Variants in ZDHHC14 observed in about 807,000 individuals in gnomAD.
ZDHHC14 encodes zDHHC palmitoyltransferase 14.
ZDHHC14 carries 16 observed loss-of-function variants against 47.7 expected under a neutral mutation model. That is an observed-to-expected ratio of 0.34 (90% CI 0.23 to 0.51). ZDHHC14 has a LOEUF of 0.51. ZDHHC14 is among the 20% of genes least tolerant of loss of function. The probability of loss-of-function intolerance (pLI) is 0.97; values close to 1 mark genes in which losing one functional copy is unlikely to be tolerated. For missense variants in ZDHHC14, 515 were observed against 662.5 expected, an observed-to-expected ratio of 0.78 and a Z score of 2.44; for synonymous variants, 293 against 278.9, an observed-to-expected ratio of 1.05 and a Z score of -0.50.
chr6:157,447,517 G>A (rs2114798997), intron 1 of ZDHHC14, among the ~76,000 whole-genome samples: 1 of 152,346 alleles, frequency 6.6e-6, no homozygotes, highest in Middle Eastern at 3.4e-3. Context: ...TATGGAAGGA[G>A]GATGGGGCGA....
At chr6:157,455,577 G>A (rs1181924233) in intron 1 of ZDHHC14, among the ~76,000 whole-genome samples, 1 of 152,188 alleles carries the variant, frequency 6.6e-6, no homozygotes, top group African/African-American at 2.4e-5. Flanking sequence ...CGTTTGTGTT[G>A]TTTTCTAGAT....
At chr6:157,477,462 G>T (rs1438678271) in intron 1 of ZDHHC14, among the ~76,000 whole-genome samples, 1 of 152,100 alleles carries the variant, frequency 6.6e-6, no homozygotes, top group Non-Finnish European at 1.5e-5. Context: ...TAACCCTCAA[G>T]ATTTCACCAA....
intron 1 of ZDHHC14, among the ~76,000 whole-genome samples, chr6:157,536,231 A>C (rs191882697): frequency 6.6e-6 from 1 of 152,348 alleles, no homozygotes; most frequent in African/African-American, 2.4e-5. Context: ...CTTCCTGTGT[A>C]ATAATAAATG....
chr6:157,478,437 A>C (rs1779542052), intron 1 of ZDHHC14, among the ~76,000 whole-genome samples: 1 of 152,166 alleles, frequency 6.6e-6, no homozygotes, highest in Non-Finnish European at 1.5e-5. Flanking sequence ...TAATTTTATA[A>C]TTTATTTTTT....
At chr6:157,519,165 G>C (rs1780819951) in intron 1 of ZDHHC14, among the ~76,000 whole-genome samples, 1 of 152,196 alleles carries the variant, frequency 6.6e-6, no homozygotes, top group Admixed American at 6.5e-5. Flanking sequence ...GAATCCAACT[G>C]CAAAGCAGCA....
rs376215641 is a variant in ZDHHC14 at position 157,463,054 on chromosome 6, C to T, written c.246-79531C>T. Among the ~76,000 whole-genome samples the T allele has an allele frequency of 1.3e-5, 2 of 152,152 alleles. No homozygotes were observed. The highest frequency in any genetic ancestry group is 2.1e-4 in the South Asian group (1 of 4,826). On this transcript the variant is annotated intron_variant, in intron 1 of 8. Transcript: ENST00000359775. This position sits in a 1 kb window ranked among gnomAD's most constrained non-coding sequence, Gnocchi z 4.4. The stretch of plus-strand genomic sequence containing the variant: ...CTCTTTTCCAGAAAGATTCTTATGT[C>T]GGCTGAGTTCAAGTAGGTAGGTGCA...
At chr6:157,430,177 G>T (rs760607320) in intron 1 of ZDHHC14, among the ~76,000 whole-genome samples, 4 of 151,978 alleles carry the variant, frequency 2.6e-5, no homozygotes, top group African/African-American at 4.8e-5. Context: ...TTAGCTGGGC[G>T]TGGTGGTGTG....
intron 3 of ZDHHC14, among the ~76,000 whole-genome samples, chr6:157,621,737 G>A (rs557131979): frequency 2.6e-5 from 4 of 152,160 alleles, no homozygotes; most frequent in Non-Finnish European, 4.4e-5. Context: ...CATTTCGTTC[G>A]ATCTCCAGCA....
At chr6:157,494,212 A>G (rs2114731007) in intron 1 of ZDHHC14, among the ~76,000 whole-genome samples, 1 of 152,324 alleles carries the variant, frequency 6.6e-6, no homozygotes, top group East Asian at 1.9e-4. Context: ...CTGAGGCCAG[A>G]GCCCCTGGGA....
chr6:157,571,776 A>ATTTTTTTTTTTT (rs548623336), intron 2 of ZDHHC14, among the ~76,000 whole-genome samples: 7 of 122,516 alleles, frequency 5.7e-5, no homozygotes, highest in African/African-American at 6.3e-5. Context: ...AGGAATCTGT[A>ATTTTTTTTTTTT]TTTTTTTTTT....
intron 2 of ZDHHC14, among the ~76,000 whole-genome samples, chr6:157,588,336 A>G (rs4708862): frequency 0.67 from 102,274 of 151,752 alleles, 34,905 homozygotes; most frequent in African/African-American, 0.78. Context: ...GTGAATACCT[A>G]TAGTCCCAGC....
chr6:157,568,319 CTTAA>C (rs1782982065), intron 2 of ZDHHC14, among the ~76,000 whole-genome samples: 2 of 152,116 alleles, frequency 1.3e-5, no homozygotes, highest in African/African-American at 4.8e-5. Flanking sequence ...ATTAAAGGTA[CTTAA>C]TTAATTCTAC....
intron 1 of ZDHHC14, among the ~76,000 whole-genome samples, chr6:157,541,107 G>T (rs1002904566): frequency 6.6e-6 from 1 of 151,868 alleles, no homozygotes; most frequent in Admixed American, 6.6e-5. Flanking sequence ...GATCCCATTT[G>T]CTCTGTTTAG....
intron 2 of ZDHHC14, among the ~76,000 whole-genome samples, chr6:157,543,817 A>G (rs1781861907): frequency 6.6e-6 from 1 of 151,946 alleles, no homozygotes; most frequent in South Asian, 2.1e-4. Flanking sequence ...AAGGAGGGGG[A>G]GGGAGAAGCA....
chr6:157,524,747 A>G (rs1459008203), intron 1 of ZDHHC14, among the ~76,000 whole-genome samples: 1 of 152,216 alleles, frequency 6.6e-6, no homozygotes, highest in Non-Finnish European at 1.5e-5. Flanking sequence ...TTGGCCAATC[A>G]GAGGAAACTG....
chr6:157,416,979 T>TTTG (rs1777991254), intron 1 of ZDHHC14, among the ~76,000 whole-genome samples: 1 of 106,676 alleles, frequency 9.4e-6, no homozygotes, highest in Non-Finnish European at 2.2e-5. Context: ...CTAGTTTTTT[T>TTTG]TTTTTTTTTT....
At chr6:157,513,093 C>G (rs545438734) in intron 1 of ZDHHC14, among the ~76,000 whole-genome samples, 1 of 152,230 alleles carries the variant, frequency 6.6e-6, no homozygotes, top group Non-Finnish European at 1.5e-5. Flanking sequence ...TCTGCATAAA[C>G]GTCTGGCAAA....
chr6:157,522,165 T>A (rs1442265897), intron 1 of ZDHHC14, among the ~76,000 whole-genome samples: 1 of 152,142 alleles, frequency 6.6e-6, no homozygotes, highest in African/African-American at 2.4e-5. Flanking sequence ...TACCTACCCG[T>A]ACAGTTGCCA....
At chr6:157,434,384 G>T (rs1468620585) in intron 1 of ZDHHC14, among the ~76,000 whole-genome samples, 1 of 151,990 alleles carries the variant, frequency 6.6e-6, no homozygotes, top group Non-Finnish European at 1.5e-5. Context: ...AGCTGGGCCT[G>T]TTCACACCAG....
Sources: allele counts gnomAD v4.1 joint callset (sites outside exome capture counted in the v4.1 genomes callset), GRCh38; gene constraint gnomAD v4.1.1; non-coding constraint Gnocchi (gnomAD v3.1); transcripts MANE v1.5; gene names NCBI Gene and HGNC (gene_info 2026-07-23, HGNC 2026-07-21).